PDE8B: variants seen among roughly 807,000 people sequenced by gnomAD.
PDE8B encodes phosphodiesterase 8B.
Under a neutral mutation model 101.3 loss-of-function variants are expected in PDE8B, and 26 were observed. That is an observed-to-expected ratio of 0.26 (90% CI 0.19 to 0.36). The LOEUF (loss-of-function observed/expected upper bound fraction) is 0.36. Ranked by LOEUF, PDE8B falls within the 10% of genes least tolerant of loss-of-function variation. PDE8B has a pLI of 1.00. For synonymous variants in PDE8B, 424 were observed against 429.3 expected (o/e 0.99, Z 0.15); for missense variants, 810 against 1,163.1 (o/e 0.70, Z 4.42).
chr5:77,192,212 C>G, the PDE8B span, among the ~76,000 whole-genome samples: 1 of 152,158 alleles, frequency 6.6e-6, no homozygotes, highest in Non-Finnish European at 1.5e-5. Context: ...TTAAAGTGTA[C>G]AGTTTGATGA....
chr5:77,090,853 TA>T, the PDE8B span, among the ~76,000 whole-genome samples: 1 of 152,192 alleles, frequency 6.6e-6, no homozygotes. Context: ...TTGGCTTCTG[TA>T]AATAATGCTG....
In PDE8B at chr5:77,409,004, G is replaced by A. The variant is rs530252531; in HGVS notation, c.1477G>A (p.Gly493Ser). 1.2e-6 allele frequency: 2 copies of A among 1,613,820 alleles called. No homozygotes were observed. Among genetic ancestry groups the A allele is most frequent in the Non-Finnish European group, 1.7e-6 (2 of 1,179,744 alleles). The change falls in exon 14 of 22, where the codon GGT becomes AGT. Residue 493 changes from glycine (G) to serine (S), a missense_variant. This residue lies in a region of PDE8B where 325 missense variants were observed against 560.9 expected (regional missense o/e 0.58). Coordinates refer to ENST00000264917, the MANE Select transcript of PDE8B (RefSeq NM_003719.5). ...CACAGAACTGTACTCCCCTCAGCTG[G>A]GTACCAAAGATGAAGATCCCCACAC... ...RTTELYSPQL[G>S]TKDEDPHTSD...
intron 5 of PDE8B, 85 bp downstream of exon 5, chr5:77,331,544 G>A (rs981784255): frequency 3.1e-5 from 33 of 1,053,672 alleles, no homozygotes; most frequent in Non-Finnish European, 3.7e-5. Flanking sequence ...AAGCTGCCAC[G>A]GAGAACTGTT....
intron 9 of PDE8B, among the ~76,000 whole-genome samples, chr5:77,352,009 T>TC (rs1781226420): frequency 6.6e-6 from 1 of 152,214 alleles, no homozygotes; most frequent in African/African-American, 2.4e-5. Flanking sequence ...TTGTTTCCCC[T>TC]CCAATTTTGG....
the PDE8B span, chr5:77,089,347 C>T: frequency 0.24 from 37,608 of 159,410 alleles, 5,141 homozygotes; most frequent in Admixed American, 0.35. Flanking sequence ...CACCCCCAGA[C>T]GGGCCTGTCT....
At chr5:77,291,625 T>C in intron 1 of PDE8B, 1 of 1,597,220 alleles carries the variant, frequency 6.3e-7, no homozygotes, top group Non-Finnish European at 8.6e-7. Context: ...TGTGGCACTG[T>C]AAATGTCAAC....
At chr5:77,283,836 A>T (rs555092769) in intron 1 of PDE8B, among the ~76,000 whole-genome samples, 1 of 152,344 alleles carries the variant, frequency 6.6e-6, no homozygotes, top group African/African-American at 2.4e-5. Context: ...TTTTCAGGTT[A>T]TCTGAGTAAA....
At chr5:77,193,019 T>A in the PDE8B span, among the ~76,000 whole-genome samples, 4 of 152,188 alleles carry the variant, frequency 2.6e-5, no homozygotes, top group Non-Finnish European at 5.9e-5. Context: ...GCCCAATTTT[T>A]AAAATTGGGT....
At chr5:77,327,875 C>A (rs1295404801) in intron 3 of PDE8B, among the ~76,000 whole-genome samples, 1 of 152,170 alleles carries the variant, frequency 6.6e-6, no homozygotes, top group East Asian at 1.9e-4. Context: ...AGCCTTCCCC[C>A]CACACAGTGT....
intron 10 of PDE8B, among the ~76,000 whole-genome samples, chr5:77,366,239 T>A (rs12655629): frequency 0.12 from 18,704 of 151,926 alleles, 1,327 homozygotes; most frequent in East Asian, 0.26. Flanking sequence ...TGGTTTTTTT[T>A]AAAAAAAATC....
At chr5:77,272,043 A>G (rs182813734) in intron 1 of PDE8B, among the ~76,000 whole-genome samples, 1 of 152,166 alleles carries the variant, frequency 6.6e-6, no homozygotes, top group Non-Finnish European at 1.5e-5. Flanking sequence ...CGATGTTTAC[A>G]TATGTTTAGG....
intron 1 of PDE8B, among the ~76,000 whole-genome samples, chr5:77,272,237 A>G (rs1001095258): frequency 6.6e-6 from 1 of 152,166 alleles, no homozygotes; most frequent in African/African-American, 2.4e-5. Context: ...GAAGGTTATG[A>G]TATCTATTAG....
chr5:77,260,582 A>ATT lies in PDE8B; in HGVS notation c.339+49339_339+49340dup, dbSNP rs34008487. On this transcript the variant is annotated intron_variant, in intron 1 of 21. Transcript: ENST00000264917. ...TTACTGATAATTTTCACTGTGGCTC[A>ATT]TTTTTTTTTTTTTTTTTTTTTTGGA... 1.9e-3 allele frequency among the ~76,000 whole-genome samples: 218 copies of ATT among 114,898 alleles called. 4 individuals are homozygous for ATT. The highest frequency in any genetic ancestry group is 4.4e-3 in the African/African-American group (129 of 29,208). 75.4% of individuals were successfully genotyped at this position (114,898 alleles called of 152,430 possible).
intron 10 of PDE8B, among the ~76,000 whole-genome samples, chr5:77,364,060 A>G (rs1195687333): frequency 1.3e-5 from 2 of 152,110 alleles, no homozygotes; most frequent in African/African-American, 2.4e-5. Flanking sequence ...AAGCTAAGAG[A>G]GTGAGGTAGC....
chr5:77,269,643 A>AT (rs1240293353), intron 1 of PDE8B, among the ~76,000 whole-genome samples: 1 of 152,080 alleles, frequency 6.6e-6, no homozygotes, highest in East Asian at 1.9e-4. Flanking sequence ...TTTTGATTTG[A>AT]TTTTTGTATA....
Position 77,349,497 on chromosome 5 carries a change from A to C in PDE8B, c.955A>C (p.Lys319Gln). The change falls in exon 8 of 22, where the codon AAA becomes CAA. Residue 319 changes from lysine (K) to glutamine (Q), a missense_variant. Around this residue, in one of 4 missense-constraint regions of PDE8B, gnomAD observed 251 missense variants for 378.8 expected, o/e 0.66. Transcript: ENST00000264917. The part of the protein sequence containing the change: ...LLGKELADLP[K>Q]SDKNRADLLD... ...GGGAAAAGAACTCGCTGATCTGCCC[A>C]AAAGCGATAAGAACCGGGCAGACCT... The C allele has an allele frequency of 6.2e-7, 1 of 1,614,218 alleles. No homozygotes were observed. The highest frequency in any genetic ancestry group is 2.2e-5 in the East Asian group (1 of 44,884).
chr5:77,140,748 AG>A, the PDE8B span: 1 of 152,214 alleles, frequency 6.6e-6, no homozygotes, highest in African/African-American at 2.4e-5. Flanking sequence ...CAGTTTATAC[AG>A]CACCTTCACT....
At chr5:77,131,302 CTTTT>C in the PDE8B span, 5 of 152,220 alleles carry the variant, frequency 3.3e-5, no homozygotes, top group Non-Finnish European at 5.9e-5. Context: ...AATGACCTTT[CTTTT>C]TGTGTCATTC....
intron 10 of PDE8B, among the ~76,000 whole-genome samples, chr5:77,372,115 G>T (rs1435198711): frequency 1.3e-5 from 2 of 152,148 alleles, no homozygotes; most frequent in Non-Finnish European, 2.9e-5. Context: ...CACAAGAATT[G>T]CTTGAACCCA....
Sources: allele counts gnomAD v4.1 joint callset (sites outside exome capture counted in the v4.1 genomes callset), GRCh38; gene constraint gnomAD v4.1.1; regional missense constraint gnomAD v4.1.1; transcripts MANE v1.5; gene names NCBI Gene and HGNC (gene_info 2026-07-23, HGNC 2026-07-21).